The following ROBO2 variants were observed in gnomAD, a reference collection of about 807,000 sequenced individuals.
ROBO2 encodes the protein roundabout homolog 2.
Under a neutral mutation model 160.8 loss-of-function variants are expected in ROBO2, and 53 were observed. The observed-to-expected ratio is 0.33, with a 90% confidence interval of 0.26 to 0.41. The LOEUF (loss-of-function observed/expected upper bound fraction) is 0.41, where lower values mean the gene tolerates loss of function less well. ROBO2 is among the 10% of genes least tolerant of loss of function. The pLI is 1.00. For missense variants in ROBO2, 1,577 were observed against 1,722.4 expected (o/e 0.92, Z 1.49); for synonymous variants, 664 against 611.7 (o/e 1.09, Z -1.26).
chr3:77,145,955 G>A (rs1333364541), intron 2 of ROBO2, among the ~76,000 whole-genome samples: 1 of 152,118 alleles, frequency 6.6e-6, no homozygotes, highest in Non-Finnish European at 1.5e-5. Context: ...ACCTGCCTGA[G>A]GTGGTGATTA....
intron 2 of ROBO2, among the ~76,000 whole-genome samples, chr3:76,984,464 C>T (rs1392237271): frequency 2.0e-5 from 3 of 152,110 alleles, no homozygotes; most frequent in African/African-American, 7.2e-5. Context: ...TTCACTGAGC[C>T]TATTGTTCTC....
chr3:77,351,758 A>C (rs2068364265), intron 2 of ROBO2, among the ~76,000 whole-genome samples: 2 of 152,180 alleles, frequency 1.3e-5, no homozygotes, highest in Non-Finnish European at 1.5e-5. Flanking sequence ...AGCACTTGTT[A>C]TATTAACATT....
At chr3:77,045,027 G>A (rs1488591888) in intron 1 of ROBO2, among the ~76,000 whole-genome samples, 2 of 152,084 alleles carry the variant, frequency 1.3e-5, no homozygotes, top group Non-Finnish European at 1.5e-5. Context: ...GTCTTTGTGA[G>A]GGGCTTGGAA....
intron 2 of ROBO2, among the ~76,000 whole-genome samples, chr3:76,079,840 GA>G (rs1163857153): frequency 6.6e-6 from 1 of 150,506 alleles, no homozygotes; most frequent in African/African-American, 2.4e-5. Flanking sequence ...CAACAACAAA[GA>G]AAAAAAGAAA....
rs147114486 is a variant in ROBO2, at chr3:77,122,373, C to G, written c.388+24033C>G. On this transcript the variant is annotated intron_variant, in intron 2 of 25. Coordinates refer to ENST00000461745, the Ensembl canonical transcript of ROBO2. ...TCAAATTTCAGTCTAGTGTCCCTTGCCCCTTAGGCTGCAGATGTCAATTTG... is the reference window on the plus strand; with the variant it reads ...TCAAATTTCAGTCTAGTGTCCCTTGGCCCTTAGGCTGCAGATGTCAATTTG... Among the ~76,000 whole-genome samples, 387 of 152,260 alleles carry G rather than the reference C, an allele frequency of 2.5e-3. 3 individuals are homozygous for G. The highest frequency in any genetic ancestry group is 8.7e-3 in the African/African-American group (363 of 41,554).
chr3:76,878,984 A>G (rs1435201679), intron 2 of ROBO2, among the ~76,000 whole-genome samples: 1 of 152,182 alleles, frequency 6.6e-6, no homozygotes, highest in African/African-American at 2.4e-5. Flanking sequence ...AACATATTCA[A>G]CTTGACTCAG....
At chr3:76,399,782 T>A (rs1407799081) in intron 2 of ROBO2, among the ~76,000 whole-genome samples, 1 of 151,726 alleles carries the variant, frequency 6.6e-6, no homozygotes, top group Non-Finnish European at 1.5e-5. Flanking sequence ...TATTCATGAA[T>A]GTTTTCTTGT....
chr3:76,068,116 G>A (rs1169696292), intron 2 of ROBO2, among the ~76,000 whole-genome samples: 4 of 152,126 alleles, frequency 2.6e-5, no homozygotes, highest in East Asian at 1.9e-4. Flanking sequence ...GAGCAAAGAC[G>A]CAAAGGAACA....
Position 76,380,518 on chromosome 3 carries a change from C to T in ROBO2, c.109+442916C>T, listed in dbSNP as rs2076566296. 2.0e-5 allele frequency among the ~76,000 whole-genome samples: 3 copies of T among 152,204 alleles called. No individual in the cohort carries two copies. The South Asian group carries it at 6.2e-4, about 32-fold the overall frequency. On this transcript the variant is annotated intron_variant, in intron 2 of 26. Coordinates refer to the ROBO2 transcript ENST00000487694. ...CCCAAGACAGGAGGACCAATTCCTC[C>T]TTTTTCACCTCCTCCTTTTTCGCCT... is the stretch of plus-strand genomic sequence containing the variant.
chr3:77,100,796 A>C (rs575718167), intron 2 of ROBO2, among the ~76,000 whole-genome samples: 15 of 152,320 alleles, frequency 9.8e-5, no homozygotes, highest in Admixed American at 7.8e-4. Flanking sequence ...TAAAAATACT[A>C]CGCAAATCCG....
At chr3:76,101,927 T>C (rs531426191) in intron 2 of ROBO2, among the ~76,000 whole-genome samples, 147 of 147,158 alleles carry the variant, frequency 1.0e-3, no homozygotes, top group African/African-American at 3.7e-3. Flanking sequence ...TACCCCAGGG[T>C]GTGATGTTCC....
At chr3:76,214,372 C>T (rs1461265452) in intron 2 of ROBO2, among the ~76,000 whole-genome samples, 1 of 152,188 alleles carries the variant, frequency 6.6e-6, no homozygotes, top group Non-Finnish European at 1.5e-5. Context: ...GGCATTGCCT[C>T]ACCCAGGAAG....
intron 2 of ROBO2, among the ~76,000 whole-genome samples, chr3:76,514,627 C>G (rs771964868): frequency 2.6e-5 from 4 of 152,070 alleles, no homozygotes; most frequent in Non-Finnish European, 5.9e-5. Context: ...GTTGTTGAGG[C>G]CTTTGGAGTT....
At chr3:76,004,293 T>C (rs2065963291) in intron 2 of ROBO2, among the ~76,000 whole-genome samples, 1 of 152,180 alleles carries the variant, frequency 6.6e-6, no homozygotes, top group South Asian at 2.1e-4. Context: ...CTACATAGTA[T>C]ATGATTCAAT....
At chr3:77,149,610 C>T (rs1467975651) in intron 2 of ROBO2, among the ~76,000 whole-genome samples, 2 of 152,156 alleles carry the variant, frequency 1.3e-5, no homozygotes, top group Non-Finnish European at 2.9e-5. Context: ...TAATCAGCTA[C>T]ACACATCACT....
At chr3:76,075,776 G>A (rs950816998) in intron 2 of ROBO2, among the ~76,000 whole-genome samples, 1 of 152,118 alleles carries the variant, frequency 6.6e-6, no homozygotes. Flanking sequence ...CCACGTTAGT[G>A]CCAGGAAATT....
At chr3:76,186,360 T>C (rs968917047) in intron 2 of ROBO2, among the ~76,000 whole-genome samples, 6 of 152,064 alleles carry the variant, frequency 3.9e-5, no homozygotes, top group African/African-American at 1.4e-4. Context: ...CCATACCCTC[T>C]CTCGTTTCAA....
intron 2 of ROBO2, among the ~76,000 whole-genome samples, chr3:76,013,054 C>G (rs1305300931): frequency 3.0e-5 from 4 of 134,666 alleles, no homozygotes; most frequent in African/African-American, 1.1e-4. Flanking sequence ...GTGGCTTATG[C>G]GTGTAATCCC....
chr3:77,443,289 A>G (rs559129120), intron 2 of ROBO2, among the ~76,000 whole-genome samples: 11 of 152,044 alleles, frequency 7.2e-5, no homozygotes, highest in Admixed American at 5.9e-4. Context: ...GATGGTTATT[A>G]TTATCTTTTT....
Sources: gnomAD v4.1 joint callset for allele counts (sites outside exome capture counted in the v4.1 genomes callset) on GRCh38, gnomAD v4.1.1 for gene constraint, MANE v1.5 for transcripts, NCBI Gene and HGNC (gene_info 2026-07-23, HGNC 2026-07-21) for gene names.